The following MCPH1 variants were observed in gnomAD, a reference collection of about 807,000 sequenced individuals.
MCPH1 encodes microcephalin 1, also known as microcephalin.
A neutral mutation model predicts 84.5 loss-of-function variants in MCPH1; 104 were observed. That is an observed-to-expected ratio of 1.23 (90% CI 1.05 to 1.45). The LOEUF (loss-of-function observed/expected upper bound fraction) is 1.45, where lower values mean the gene tolerates loss of function less well. MCPH1 is among the 40% of genes most tolerant of loss of function. The probability of loss-of-function intolerance (pLI) is 0.00; values close to 1 mark genes in which losing one functional copy is unlikely to be tolerated. For synonymous variants in MCPH1, 514 were observed against 366.8 expected (o/e 1.40, Z -4.58); for missense variants, 1,498 against 1,005.7 (o/e 1.49, Z -6.62).
At chr8:6,483,524 T>C (rs1172985412) in intron 11 of MCPH1, among the ~76,000 whole-genome samples, 5 of 152,194 alleles carry the variant, frequency 3.3e-5, no homozygotes, top group African/African-American at 1.2e-4. Context: ...CCATGGGTTT[T>C]CACAAAGGCA....
At chr8:6,437,148 G>A (rs1802772926) in intron 5 of MCPH1, among the ~76,000 whole-genome samples, 1 of 151,990 alleles carries the variant, frequency 6.6e-6, no homozygotes, top group South Asian at 2.1e-4. Flanking sequence ...TCTAGTTTTT[G>A]TTTTCTTTGT....
At chr8:6,433,652 AAAAC>A (rs1384146281) in intron 4 of MCPH1, among the ~76,000 whole-genome samples, 1 of 151,552 alleles carries the variant, frequency 6.6e-6, no homozygotes, top group Non-Finnish European at 1.5e-5. Flanking sequence ...AAAAAAAAAA[AAAAC>A]CTATTTCGTG....
chr8:6,406,796 C>A (rs1269968695), intron 1 of MCPH1, 107 bp downstream of exon 1: 3 of 1,269,086 alleles, frequency 2.4e-6, no homozygotes, highest in African/African-American at 2.9e-5. Flanking sequence ...GCTCGCCCCT[C>A]CCTCGCTGCC....
intron 12 of MCPH1, among the ~76,000 whole-genome samples, chr8:6,567,729 G>T (rs1011136343): frequency 5.3e-5 from 8 of 152,242 alleles, no homozygotes; most frequent in African/African-American, 1.9e-4. Context: ...GCAGCCTGGG[G>T]GTCTGAGGCC....
At chr8:6,579,112 A>C (rs1012862991) in intron 12 of MCPH1, among the ~76,000 whole-genome samples, 1 of 152,112 alleles carries the variant, frequency 6.6e-6, no homozygotes. Flanking sequence ...AGGAAGGGAG[A>C]ACGTCTTTCA....
chr8:6,431,956 A>G (rs544513188), intron 4 of MCPH1, among the ~76,000 whole-genome samples: 1 of 152,354 alleles, frequency 6.6e-6, no homozygotes, highest in African/African-American at 2.4e-5. Flanking sequence ...ATGGACCTAC[A>G]TCCAAGTGTG....
At chr8:6,641,939 C>G (rs1224053198) in intron 13 of MCPH1, among the ~76,000 whole-genome samples, 1 of 152,116 alleles carries the variant, frequency 6.6e-6, no homozygotes. Flanking sequence ...CCCTCACTGA[C>G]CCAGGCCTCC....
At chr8:6,610,975 C>T (rs1830204508) in intron 12 of MCPH1, among the ~76,000 whole-genome samples, 1 of 152,112 alleles carries the variant, frequency 6.6e-6, no homozygotes, top group African/African-American at 2.4e-5. Context: ...TTGCTTGTCA[C>T]CTCTACTCAG....
intron 12 of MCPH1, chr8:6,532,411 G>A: frequency 6.2e-7 from 1 of 1,614,010 alleles, no homozygotes; most frequent in Non-Finnish European, 8.5e-7. Flanking sequence ...TATCATCACA[G>A]CCGTCTGGTT....
intron 10 of MCPH1, among the ~76,000 whole-genome samples, chr8:6,479,566 CTG>C (rs72472925): frequency 0.016 from 2,454 of 152,044 alleles, 69 homozygotes; most frequent in African/African-American, 0.057. Flanking sequence ...TCCTGAGTAT[CTG>C]GGACTACAGG....
chr8:6,551,152 T>G (rs560650021), intron 12 of MCPH1, among the ~76,000 whole-genome samples: 86 of 152,306 alleles, frequency 5.6e-4, no homozygotes, highest in African/African-American at 2.0e-3. Flanking sequence ...TGATGCTGAC[T>G]TAGGATTTTA....
At chr8:6,421,089 A>T (rs890230739) in intron 3 of MCPH1, among the ~76,000 whole-genome samples, 1 of 152,190 alleles carries the variant, frequency 6.6e-6, no homozygotes. Flanking sequence ...CAGTGCGGGA[A>T]TTGAGCACAG....
intron 12 of MCPH1, among the ~76,000 whole-genome samples, chr8:6,575,498 C>A (rs1023830066): frequency 1.3e-5 from 2 of 152,138 alleles, no homozygotes; most frequent in African/African-American, 4.8e-5. Flanking sequence ...GGTGTCTATA[C>A]AATGTTGCAA....
At chr8:6,508,817 G>A (rs2515416) in intron 12 of MCPH1, 189,058 of 1,395,764 alleles carry the variant, frequency 0.14, 15,380 homozygotes, top group African/African-American at 0.38. Flanking sequence ...GTGTGTCTAC[G>A]TATGAAATTG....
At chr8:6,493,179 G>T (rs1218654423) in intron 11 of MCPH1, among the ~76,000 whole-genome samples, 1 of 152,204 alleles carries the variant, frequency 6.6e-6, no homozygotes, top group Non-Finnish European at 1.5e-5. Context: ...TCACATGTGA[G>T]TACAGTGGTG....
At chr8:6,566,565 G>A (rs564109559) in intron 12 of MCPH1, among the ~76,000 whole-genome samples, 7 of 152,350 alleles carry the variant, frequency 4.6e-5, no homozygotes, top group East Asian at 1.9e-4. Context: ...CACACAGCAC[G>A]GTGACCATGT....
chr8:6,533,007 C>T (rs936596076), intron 12 of MCPH1, among the ~76,000 whole-genome samples: 1 of 152,250 alleles, frequency 6.6e-6, no homozygotes, highest in African/African-American at 2.4e-5. Context: ...TCCTTTTAAC[C>T]TACGGAATCA....
chr8:6,413,506 G>A (rs1798823919), intron 2 of MCPH1, among the ~76,000 whole-genome samples: 1 of 151,546 alleles, frequency 6.6e-6, no homozygotes, highest in African/African-American at 2.4e-5. Context: ...GTGTATTCCT[G>A]TATTCTTTAA....
chr8:6,496,486 A>C (rs1457988893), intron 11 of MCPH1, among the ~76,000 whole-genome samples: 1 of 152,122 alleles, frequency 6.6e-6, no homozygotes, highest in South Asian at 2.1e-4. Flanking sequence ...TTTTGTATGC[A>C]AAGAATATTG....
Sources: gnomAD v4.1 joint callset for allele counts (sites outside exome capture counted in the v4.1 genomes callset) on GRCh38, gnomAD v4.1.1 for gene constraint, MANE v1.5 for transcripts, NCBI Gene and HGNC (gene_info 2026-07-23, HGNC 2026-07-21) for gene names.